Variants in CCSER1 observed in about 807,000 individuals in gnomAD.
CCSER1 encodes serine-rich coiled-coil domain-containing protein 1.
A neutral mutation model predicts 82.0 loss-of-function variants in CCSER1; 41 were observed. The observed-to-expected ratio is 0.50, with a 90% confidence interval of 0.39 to 0.65. CCSER1 has a LOEUF of 0.65. Among genes scored for constraint, CCSER1 ranks in the 30% least tolerant of loss-of-function variants. CCSER1 has a pLI of 0.00. For synonymous variants in CCSER1, 414 were observed against 383.9 expected, an observed-to-expected ratio of 1.08 and a Z score of -0.92; for missense variants, 1,119 against 1,064.2, an observed-to-expected ratio of 1.05 and a Z score of -0.72.
chr4:90,307,722 C>CTA (rs1313980484), intron 1 of CCSER1, among the ~76,000 whole-genome samples: 1 of 151,642 alleles, frequency 6.6e-6, no homozygotes, highest in Non-Finnish European at 1.5e-5. Context: ...TAGTGTCAGG[C>CTA]TATACCATTG....
intron 10 of CCSER1, among the ~76,000 whole-genome samples, chr4:91,383,095 C>T (rs1578324290): frequency 6.6e-6 from 1 of 151,890 alleles, no homozygotes; most frequent in South Asian, 2.1e-4. Flanking sequence ...GTAGCATAAA[C>T]ATAACTTTTA....
At chr4:90,391,457 T>TATATATATATATACACACACAGTGGGTAA (rs1751056972) in intron 3 of CCSER1, among the ~76,000 whole-genome samples, 1 of 82,016 alleles carries the variant, frequency 1.2e-5, no homozygotes, top group African/African-American at 7.4e-5. Flanking sequence ...TATATATATA[T>TATATATATATATACACACACAGTGGGTAA]ATATATATAT....
At chr4:90,949,529 T>G (rs960655791) in intron 9 of CCSER1, among the ~76,000 whole-genome samples, 6 of 152,094 alleles carry the variant, frequency 3.9e-5, no homozygotes, top group Non-Finnish European at 8.8e-5. Context: ...ATTCATTTGT[T>G]AACTAAATTC....
chr4:91,356,291 C>T (rs746137796), intron 10 of CCSER1, among the ~76,000 whole-genome samples: 2 of 152,176 alleles, frequency 1.3e-5, no homozygotes, highest in African/African-American at 2.4e-5. Context: ...GGGCTGGGGC[C>T]GACATGCGTT....
At chr4:90,724,639 A>G (rs1305916522) in intron 7 of CCSER1, 1 of 376,084 alleles carries the variant, frequency 2.7e-6, no homozygotes. Flanking sequence ...TGGGGTATTT[A>G]GATATTATTA....
intron 1 of CCSER1, among the ~76,000 whole-genome samples, chr4:90,223,369 A>G (rs1169821608): frequency 1.3e-5 from 2 of 152,200 alleles, no homozygotes; most frequent in Non-Finnish European, 2.9e-5. Context: ...ACATTTTAGC[A>G]TTTATGGAAA....
intron 7 of CCSER1, among the ~76,000 whole-genome samples, chr4:90,797,628 A>G (rs923870203): frequency 1.3e-5 from 2 of 152,112 alleles, no homozygotes; most frequent in African/African-American, 4.8e-5. Context: ...TCCTTTCTGT[A>G]TTTAGTGCTT....
At chr4:91,221,833 A>T (rs1272559846) in intron 10 of CCSER1, among the ~76,000 whole-genome samples, 1 of 152,124 alleles carries the variant, frequency 6.6e-6, no homozygotes, top group East Asian at 1.9e-4. Context: ...GTCCAGTGTG[A>T]TAAGGTTATG....
At chr4:90,555,291 A>G (rs1031903960) in intron 5 of CCSER1, among the ~76,000 whole-genome samples, 5 of 152,180 alleles carry the variant, frequency 3.3e-5, no homozygotes, top group African/African-American at 1.2e-4. Context: ...TAGAAAACCC[A>G]GTAGTAGAAT....
chr4:91,411,213 G>A (rs903945164), intron 10 of CCSER1, among the ~76,000 whole-genome samples: 2 of 151,548 alleles, frequency 1.3e-5, no homozygotes, highest in African/African-American at 2.4e-5. Flanking sequence ...AGAGGCTTGG[G>A]TGTTATTAAG....
intron 1 of CCSER1, among the ~76,000 whole-genome samples, chr4:90,212,783 A>G (rs56822678): frequency 6.6e-6 from 1 of 152,158 alleles, no homozygotes; most frequent in Non-Finnish European, 1.5e-5. Context: ...GATGTTCACA[A>G]AAGGTCTTTC....
chr4:91,387,935 G>A (rs1417200122), intron 10 of CCSER1, among the ~76,000 whole-genome samples: 5 of 151,480 alleles, frequency 3.3e-5, no homozygotes, highest in African/African-American at 1.2e-4. Context: ...ATGAAATGTA[G>A]AAAAAAAATG....
At chr4:90,882,369 A>T (rs1044584556) in intron 8 of CCSER1, among the ~76,000 whole-genome samples, 2 of 152,044 alleles carry the variant, frequency 1.3e-5, no homozygotes. Flanking sequence ...AAAATTGTGA[A>T]TACAAAGATT....
At chr4:91,276,478 TG>T (rs1213606388) in intron 10 of CCSER1, among the ~76,000 whole-genome samples, 1 of 152,172 alleles carries the variant, frequency 6.6e-6, no homozygotes, top group Middle Eastern at 3.4e-3. Flanking sequence ...TACTGATTTT[TG>T]TATGTTGGTT....
intron 10 of CCSER1, among the ~76,000 whole-genome samples, chr4:91,275,889 T>G (rs1449527255): frequency 6.6e-6 from 1 of 152,186 alleles, no homozygotes; most frequent in East Asian, 1.9e-4. Flanking sequence ...GATGTCCAAT[T>G]TACCCAGCAC....
intron 9 of CCSER1, among the ~76,000 whole-genome samples, chr4:91,081,143 G>C (rs145269200): frequency 6.6e-6 from 1 of 152,072 alleles, no homozygotes; most frequent in African/African-American, 2.4e-5. Flanking sequence ...CATGAACATC[G>C]ATGCAAAAAT....
At chr4:91,228,488 CAAAA>C (rs1560530576) in intron 10 of CCSER1, among the ~76,000 whole-genome samples, 1 of 151,352 alleles carries the variant, frequency 6.6e-6, no homozygotes, top group African/African-American at 2.4e-5. Flanking sequence ...TGAAAATAAA[CAAAA>C]AAATTTTAAA....
intron 10 of CCSER1, among the ~76,000 whole-genome samples, chr4:91,382,355 C>A (rs558761834): frequency 1.6e-4 from 25 of 152,270 alleles, no homozygotes; most frequent in Non-Finnish European, 3.4e-4. Context: ...TGAGTTCCAC[C>A]CAGTTTGAGT....
intron 8 of CCSER1, among the ~76,000 whole-genome samples, chr4:90,893,774 T>TGC (rs1364217409): frequency 8.5e-5 from 11 of 128,852 alleles, no homozygotes; most frequent in African/African-American, 2.6e-4. Context: ...TGTGTGTGTG[T>TGC]GCGTGTGTGT....
Sources: allele counts gnomAD v4.1 joint callset (sites outside exome capture counted in the v4.1 genomes callset), GRCh38; gene constraint gnomAD v4.1.1; transcripts MANE v1.5; gene names NCBI Gene and HGNC (gene_info 2026-07-23, HGNC 2026-07-21).